Variants in FYB2 observed in about 807,000 individuals in gnomAD.
FYB2 encodes the protein FYN binding protein 2, also known as FYN-binding protein 2.
In FYB2, 103 loss-of-function variants were observed where a neutral mutation model predicts 94.1. The observed-to-expected ratio is 1.09, with a 90% CI of 0.93 to 1.29. The LOEUF is 1.29. FYB2 is among the 50% of genes most tolerant of loss of function. The probability of loss-of-function intolerance (pLI) is 0.00; values close to 1 mark genes in which losing one functional copy is unlikely to be tolerated. For synonymous variants in FYB2, 293 were observed against 287.9 expected (o/e 1.02, Z -0.18); for missense variants, 896 against 841.5 (o/e 1.06, Z -0.80).
At chr1:56,779,690 C>T (rs1199352335) in intron 4 of FYB2, among the ~76,000 whole-genome samples, 3 of 152,152 alleles carry the variant, frequency 2.0e-5, no homozygotes, top group East Asian at 3.8e-4. Flanking sequence ...TCCACTGGCC[C>T]ATCACTCAGT....
intron 1 of FYB2, among the ~76,000 whole-genome samples, chr1:56,793,420 T>G (rs1188530013): frequency 2.0e-5 from 3 of 152,078 alleles, no homozygotes; most frequent in African/African-American, 7.2e-5. Context: ...CTAGGGAACT[T>G]AATTCAATAT....
chr1:56,794,048 A>C, intron 1 of FYB2, among the ~76,000 whole-genome samples: 1 of 152,232 alleles, frequency 6.6e-6, no homozygotes, highest in South Asian at 2.1e-4. Context: ...CCTGACACAT[A>C]GTAGGCCCAT....
At chr1:56,781,159 T>C (rs1178780890) in intron 4 of FYB2, among the ~76,000 whole-genome samples, 2 of 152,216 alleles carry the variant, frequency 1.3e-5, no homozygotes, top group Non-Finnish European at 2.9e-5. Flanking sequence ...CTGTTGTACA[T>C]GTACAAAGGC....
intron 1 of FYB2, among the ~76,000 whole-genome samples, chr1:56,802,518 C>T (rs1646545294): frequency 6.6e-6 from 1 of 152,154 alleles, no homozygotes; most frequent in South Asian, 2.1e-4. Context: ...GCTATCAAGA[C>T]ATTTTAGGCT....
At chr1:56,741,599 C>T (rs1644954911) in intron 12 of FYB2, among the ~76,000 whole-genome samples, 1 of 151,958 alleles carries the variant, frequency 6.6e-6, no homozygotes, top group East Asian at 1.9e-4. Context: ...AACCCTTAAA[C>T]TCCTTGCTTT....
intron 4 of FYB2, among the ~76,000 whole-genome samples, chr1:56,778,900 G>A (rs899161414): frequency 6.6e-6 from 1 of 152,136 alleles, no homozygotes; most frequent in Admixed American, 6.6e-5. Flanking sequence ...AAAATGGCGG[G>A]CACATAGTTG....
chr1:56,823,256 T>A (rs994404955), upstream of FYB2, among the ~76,000 whole-genome samples: 18 of 152,068 alleles, frequency 1.2e-4, no homozygotes, highest in African/African-American at 4.3e-4. Context: ...TGCTCTTTCC[T>A]CCATTCCATG....
At chr1:56,742,378 G>A (rs1237147727) in intron 11 of FYB2, among the ~76,000 whole-genome samples, 157 bp from the exon 12 acceptor site, 3 of 151,890 alleles carry the variant, frequency 2.0e-5, no homozygotes, top group African/African-American at 4.8e-5. Context: ...GTTTTTAAAA[G>A]CATATGGTAA....
intron 5 of FYB2, among the ~76,000 whole-genome samples, chr1:56,765,885 C>A (rs1220243669): frequency 6.6e-6 from 1 of 152,096 alleles, no homozygotes; most frequent in African/African-American, 2.4e-5. Context: ...AGCAATAGGA[C>A]AAAAGTACAT....
intron 8 of FYB2, among the ~76,000 whole-genome samples, 159 bp from the exon 9 acceptor site, chr1:56,751,362 G>C (rs925722147): frequency 2.0e-5 from 3 of 151,908 alleles, no homozygotes; most frequent in African/African-American, 7.3e-5. Flanking sequence ...TTTCCTGAAG[G>C]TGCATACTAT....
intron 2 of FYB2, among the ~76,000 whole-genome samples, chr1:56,790,225 C>T (rs1321902510): frequency 1.3e-5 from 2 of 152,192 alleles, no homozygotes; most frequent in African/African-American, 4.8e-5. Flanking sequence ...GGGAGACTTC[C>T]TGCTCTCCTC....
At chr1:56,810,251 A>AT (rs1646736120) in intron 1 of FYB2, among the ~76,000 whole-genome samples, 2 of 152,156 alleles carry the variant, frequency 1.3e-5, no homozygotes, top group Admixed American at 1.3e-4. Context: ...CCAGTAATAG[A>AT]AATGCTCCAA....
At chr1:56,743,766 GA>G (rs1645008908) in intron 11 of FYB2, among the ~76,000 whole-genome samples, 1 of 151,972 alleles carries the variant, frequency 6.6e-6, no homozygotes, top group African/African-American at 2.4e-5. Context: ...CTTACACTGT[GA>G]AAAGATCAGG....
intron 8 of FYB2, 144 bp downstream of exon 8, chr1:56,753,695 C>T (rs1557611682): frequency 1.6e-6 from 1 of 612,226 alleles, no homozygotes; most frequent in Non-Finnish European, 2.9e-6. Flanking sequence ...GTCATTGTTA[C>T]ATTTATTTCC....
intron 8 of FYB2, among the ~76,000 whole-genome samples, chr1:56,751,405 C>T (rs1645195826): frequency 6.6e-6 from 1 of 151,976 alleles, no homozygotes. Context: ...TCAATGAATG[C>T]CTGGCACAGA....
intron 1 of FYB2, among the ~76,000 whole-genome samples, chr1:56,805,633 C>G (rs143334168): frequency 0.01 from 1,563 of 152,228 alleles, 36 homozygotes; most frequent in African/African-American, 0.036. Flanking sequence ...TTGGCTGTGT[C>G]CTCACCAAAA....
At chr1:56,798,233 G>A (rs1570199392) in intron 1 of FYB2, among the ~76,000 whole-genome samples, 1 of 152,190 alleles carries the variant, frequency 6.6e-6, no homozygotes, top group South Asian at 2.1e-4. Context: ...GGAAACAAAT[G>A]ATCTAATTGC....
intron 9 of FYB2, among the ~76,000 whole-genome samples, chr1:56,744,609 C>A (rs1266730534): frequency 2.6e-5 from 4 of 151,944 alleles, no homozygotes; most frequent in African/African-American, 9.7e-5. Context: ...TTGAAGTCTA[C>A]CAGGGTACAT....
rs763688886 is a variant in FYB2 at position 56,737,107 on chromosome 1, G to A, written c.1773C>T (p.Asp591=). 1 of 1,606,150 alleles carries A rather than the reference G, an allele frequency of 6.2e-7. No homozygotes were observed. The highest frequency in any genetic ancestry group is 1.1e-5 in the South Asian group (1 of 90,368). Residue 591 remains aspartate (D), a synonymous_variant, in exon 15 of 20, where the codon GAC becomes GAT. Coordinates refer to ENST00000343433, the MANE Select transcript of FYB2 (RefSeq NM_001004303.5). ...CTTACTTTGACTCTTTTTCACTCAG[G>A]TCTACATCATCATAAATAATAACTT... ...SQEVIIYDDV[D]LSEKESKDED... is the part of the protein sequence containing the mutation.
Sources: allele counts gnomAD v4.1 joint callset (sites outside exome capture counted in the v4.1 genomes callset), GRCh38; gene constraint gnomAD v4.1.1; transcripts MANE v1.5; gene names NCBI Gene and HGNC (gene_info 2026-07-23, HGNC 2026-07-21).